Variants in ECD observed in about 807,000 individuals in gnomAD.
ECD encodes protein ecdysoneless homolog.
Under a neutral mutation model 77.2 loss-of-function variants are expected in ECD, and 59 were observed. The observed-to-expected ratio is 0.76, with a 90% CI of 0.62 to 0.95. The LOEUF is 0.95. Ranked by LOEUF, ECD falls within the 40% of genes least tolerant of loss-of-function variation. The pLI, the probability that ECD is intolerant of heterozygous loss-of-function variation, is 0.00. For synonymous variants in ECD, 233 were observed against 267.4 expected, an observed-to-expected ratio of 0.87 and a Z score of 1.26; for missense variants, 704 against 763.4, an observed-to-expected ratio of 0.92 and a Z score of 0.92.
In ECD at chr10:73,163,796, G is replaced by T; in HGVS notation, c.142C>A (p.Pro48Thr). The part of the protein sequence containing the change: ...YIERIITRFA[P>T]MLVPYIWQNQ... ...TGCCAGATGTAGGGGACCAGCATAG[G>T]TGCAAACCGAGTGATTATTCTCTCA... Residue 48 changes from proline (P) to threonine (T), a missense_variant, in exon 2 of 14, where the codon CCT (proline) becomes ACT (threonine). By Grantham distance (38) the Pro-to-Thr change is conservative. Coordinates refer to ENST00000372979, the MANE Select transcript of ECD (RefSeq NM_007265.3). 1 of 1,614,112 alleles carries T rather than the reference G, an allele frequency of 6.2e-7. No individual in the cohort carries two copies. Among genetic ancestry groups the T allele is most frequent in the Non-Finnish European group, 8.5e-7 (1 of 1,180,032 alleles).
At chr10:73,164,063 CAGTGGTTCATGCATGTAATCCTATCA>C (rs1843417744) in intron 1 of ECD, 113 bp from the exon 2 acceptor site, 1 of 885,514 alleles carries the variant, frequency 1.1e-6, no homozygotes, top group Non-Finnish European at 1.7e-6. Context: ...AGGCCGGGCA[CAGTGGTTCATGCATGTAATCCTATCA>C]CTTTGGGAGG....
chr10:73,136,581 C>T, intron 13 of ECD, 123 bp downstream of exon 13: 2 of 895,064 alleles, frequency 2.2e-6, no homozygotes, highest in South Asian at 1.8e-5. Context: ...GTTAGGAAAA[C>T]AATTAACATT....
chr10:73,139,242 G>T, intron 11 of ECD, 67 bp downstream of exon 11: 6 of 1,400,016 alleles, frequency 4.3e-6, no homozygotes, highest in Non-Finnish European at 5.7e-6. Context: ...AAGTGGAAAT[G>T]GCAATGACTA....
intron 9 of ECD, 112 bp from the exon 10 acceptor site, chr10:73,139,849 GT>G (rs79373628): frequency 0.19 from 80,371 of 429,064 alleles, 5 homozygotes; most frequent in Middle Eastern, 0.23. Flanking sequence ...TTTGGGGAGT[GT>G]TTTTTTTTTT....
At chr10:73,168,068 C>T (rs564111834), upstream of ECD, 1 of 509,288 alleles carries the variant, frequency 2.0e-6, no homozygotes, top group Admixed American at 3.9e-5. Context: ...TGTGTGTCGT[C>T]ACTGCTGTGC....
At chr10:73,154,226 G>T in intron 6 of ECD, 30 bp downstream of exon 6, 1 of 1,548,346 alleles carries the variant, frequency 6.5e-7, no homozygotes, top group Non-Finnish European at 8.7e-7. Context: ...TCCAGTAAGA[G>T]AAACTAAATG....
chr10:73,145,697 TC>T (rs1333277513), intron 9 of ECD, among the ~76,000 whole-genome samples: 1 of 148,214 alleles, frequency 6.7e-6, no homozygotes, highest in African/African-American at 2.5e-5. Context: ...TCTCGCTCTG[TC>T]CCCAGGTGCA....
At chr10:73,136,333 A>C (rs1270088078) in intron 13 of ECD, among the ~76,000 whole-genome samples, 2 of 152,238 alleles carry the variant, frequency 1.3e-5, no homozygotes, top group Admixed American at 6.5e-5. Flanking sequence ...CCCAAGGCAT[A>C]GTCTCAAAAG....
At chr10:73,138,629 C>T (rs750286991) in intron 11 of ECD, among the ~76,000 whole-genome samples, 11 of 151,976 alleles carry the variant, frequency 7.2e-5, no homozygotes, top group Non-Finnish European at 1.2e-4. Context: ...TGCAGTGGCA[C>T]GATCCCAGCT....
intron 5 of ECD, among the ~76,000 whole-genome samples, chr10:73,154,890 C>T (rs915759265): frequency 8.6e-5 from 13 of 151,718 alleles, no homozygotes; most frequent in Admixed American, 6.6e-4. Context: ...GCCGAGATCA[C>T]GCCACTGCAC....
chr10:73,144,170 G>A (rs1322954356), intron 9 of ECD, among the ~76,000 whole-genome samples: 1 of 152,140 alleles, frequency 6.6e-6, no homozygotes, highest in Non-Finnish European at 1.5e-5. Flanking sequence ...CTACTAGATA[G>A]CAGGCTATCA....
At chr10:73,137,257 T>C (rs1842986547) in intron 12 of ECD, among the ~76,000 whole-genome samples, 1 of 152,152 alleles carries the variant, frequency 6.6e-6, no homozygotes, top group South Asian at 2.1e-4. Flanking sequence ...GCCATACAAG[T>C]ATTGTCTCCA....
Position 73,148,299 on chromosome 10 carries a change from G to T in ECD, c.1018C>A (p.Leu340Met). The change falls in exon 8 of 14, where the codon CTG becomes ATG. Residue 340 changes from leucine (L) to methionine (M), a missense_variant. Leu to Met is a conservative substitution (Grantham distance 15). This residue lies in a region of ECD where 559 missense variants were observed against 583.7 expected (regional missense o/e 0.96). Transcript: ENST00000372979. ...ACCTTAAAGTAATCATTCTTTTTCA[G>T]ACTTTCAAGGAAACTGGCCCAGAGT... ...SPLWASFLES[L>M]KKNDYFKGLI... 1.2e-6 allele frequency: 2 copies of T among 1,613,392 alleles called. No homozygotes were observed. Among genetic ancestry groups the T allele is most frequent in the Non-Finnish European group, 1.7e-6 (2 of 1,179,670 alleles).
intron 1 of ECD, among the ~76,000 whole-genome samples, chr10:73,166,197 G>A (rs1446153435): frequency 6.6e-6 from 1 of 151,818 alleles, no homozygotes; most frequent in Non-Finnish European, 1.5e-5. Context: ...TCCATTGTGT[G>A]TATGTGCCAC....
intron 6 of ECD, 73 bp from the exon 7 acceptor site, chr10:73,152,494 T>C (rs1226759714): frequency 2.0e-6 from 3 of 1,520,310 alleles, no homozygotes; most frequent in Non-Finnish European, 2.7e-6. Context: ...CACAGTTAAA[T>C]ATAATGAGAA....
At chr10:73,140,822 T>C (rs1454972972) in intron 9 of ECD, among the ~76,000 whole-genome samples, 5 of 151,784 alleles carry the variant, frequency 3.3e-5, no homozygotes, top group Admixed American at 1.3e-4. Context: ...TATACATACA[T>C]GCAGAGACAG....
intron 13 of ECD, among the ~76,000 whole-genome samples, chr10:73,135,647 G>A (rs1162669723): frequency 6.6e-6 from 1 of 151,970 alleles, no homozygotes; most frequent in Non-Finnish European, 1.5e-5. Context: ...CTTAAACCCA[G>A]GAGGCAGAGG....
At chr10:73,162,531 A>G (rs1035804208) in intron 2 of ECD, among the ~76,000 whole-genome samples, 1 of 152,226 alleles carries the variant, frequency 6.6e-6, no homozygotes, top group Non-Finnish European at 1.5e-5. Flanking sequence ...ATTTCAATGA[A>G]TAAGAGTTCA....
At position 73,136,827 on chromosome 10, in the gene ECD, G is replaced by A. The variant is rs759071351; in HGVS notation, c.1581C>T (p.His527=). Residue 527 remains histidine (H), a synonymous_variant, in exon 13 of 14, where the codon CAC becomes CAT. Transcript: ENST00000372979. ...DSDDDLDFET[H]EPGEEASLKG... ...TCAGGGAAGCCTCTTCGCCAGGTTC[G>A]TGTGTTTCAAAGTCCAAGTCATCAT... is the stretch of plus-strand genomic sequence containing the variant. 38 of 1,613,868 alleles carry A rather than the reference G, an allele frequency of 2.4e-5. No individual in the cohort carries two copies. Among genetic ancestry groups the A allele is most frequent in the Admixed American group, 1.2e-4 (7 of 59,976 alleles).
Sources: allele counts gnomAD v4.1 joint callset (sites outside exome capture counted in the v4.1 genomes callset), GRCh38; gene constraint gnomAD v4.1.1; regional missense constraint gnomAD v4.1.1; transcripts MANE v1.5; gene names NCBI Gene and HGNC (gene_info 2026-07-23, HGNC 2026-07-21).